LRRC43: variants seen among roughly 807,000 people sequenced by gnomAD.
LRRC43 encodes the protein leucine rich repeat containing 43, also known as leucine-rich repeat-containing protein 43.
In LRRC43, 62 loss-of-function variants were observed where a neutral mutation model predicts 64.3. The ratio of observed to expected loss-of-function variants is 0.96; its 90% CI spans 0.79 to 1.19. LRRC43 has a LOEUF of 1.19. LRRC43 is among the 50% of genes most tolerant of loss of function. LRRC43 has a pLI of 0.00. For missense variants in LRRC43, 868 were observed against 845.0 expected, an observed-to-expected ratio of 1.03 and a Z score of -0.34; for synonymous variants, 422 against 382.3, an observed-to-expected ratio of 1.10 and a Z score of -1.21.
chr12:122,176,847 G>A (rs1377618565), intron 1 of LRRC43, among the ~76,000 whole-genome samples: 1 of 151,926 alleles, frequency 6.6e-6, no homozygotes, highest in African/African-American at 2.4e-5. Context: ...TAGAGATGGA[G>A]TTTCACCATG....
Position 122,183,140 on chromosome 12 carries a change from G to T in LRRC43, c.-5G>T. On this transcript the variant is annotated 5_prime_UTR_variant, in exon 1 of 12. Transcript: ENST00000339777. ...TAGCGGTTGCCGGGCAACGCGGCCCGGGCCATGGAGGCGTCGTACGAGTCC... is the reference window on the plus strand; with the variant it reads ...TAGCGGTTGCCGGGCAACGCGGCCCTGGCCATGGAGGCGTCGTACGAGTCC... The T allele has an allele frequency of 6.5e-7, 1 of 1,538,504 alleles. No individual in the cohort carries two copies. The highest frequency in any genetic ancestry group is 8.7e-7 in the Non-Finnish European group (1 of 1,148,478).
At chr12:122,178,495 G>A (rs1218573549), upstream of LRRC43, among the ~76,000 whole-genome samples, 1 of 151,290 alleles carries the variant, frequency 6.6e-6, no homozygotes, top group African/African-American at 2.4e-5. Flanking sequence ...GTGAGGGTGA[G>A]AAGAGGGTAA....
At chr12:122,169,649 G>A (rs928169285) in intron 1 of LRRC43, among the ~76,000 whole-genome samples, 1 of 143,642 alleles carries the variant, frequency 7.0e-6, no homozygotes, top group Non-Finnish European at 1.5e-5. Flanking sequence ...CCGGGAGGCA[G>A]AGGTTGCAGT....
chr12:122,191,522 A>G lies in LRRC43; in HGVS notation c.1044A>G (p.Lys348=), dbSNP rs1338748140. The change falls in exon 6 of 12, where the codon AAA becomes AAG. Residue 348 remains lysine (K), a synonymous_variant. Transcript: ENST00000339777. ...ATTACGTGACCTATGATTTTGTGAA[A>G]GATGAAGAAGGCGAAATGAATGAGT... ...YNYYVTYDFV[K]DEEGEMNESA... is the part of the protein sequence containing the mutation. 2.8e-5 allele frequency: 45 copies of G among 1,614,040 alleles called. No individual in the cohort carries two copies. The highest frequency in any genetic ancestry group is 3.6e-5 in the Non-Finnish European group (43 of 1,180,052).
intron 6 of LRRC43, among the ~76,000 whole-genome samples, chr12:122,192,146 G>T (rs577854915): frequency 1.9e-4 from 28 of 150,450 alleles, no homozygotes; most frequent in South Asian, 1.3e-3. Context: ...TTTCTTTTTT[G>T]TGTGTGTGTG....
chr12:122,173,011 G>A (rs1001761841), intron 1 of LRRC43, among the ~76,000 whole-genome samples: 1 of 152,242 alleles, frequency 6.6e-6, no homozygotes, highest in East Asian at 1.9e-4. Context: ...ACGTGCTCAG[G>A]GTGGTGGGAA....
chr12:122,183,427 T>C, intron 1 of LRRC43, 133 bp downstream of exon 1: 1 of 1,059,466 alleles, frequency 9.4e-7, no homozygotes, highest in Non-Finnish European at 1.2e-6. Flanking sequence ...TGGGGGCGGG[T>C]GGGGCTTGAG....
intron 1 of LRRC43, chr12:122,173,787 G>A: frequency 2.0e-6 from 3 of 1,491,802 alleles, no homozygotes; most frequent in South Asian, 2.4e-5. Context: ...CTCTTTGGAG[G>A]GCAATGGAAG....
rs545572205 is a variant in LRRC43, at chr12:122,200,942, C to T, written c.1809+8C>T. On this transcript the variant is annotated splice_region_variant and intron_variant, in intron 10 of 11. Transcript: ENST00000339777. This position sits in a 1 kb window ranked among gnomAD's most constrained non-coding sequence, Gnocchi z 4.6. ...AGGCTGACGTTGGCCAGGGTACAGC[C>T]GGGCCCTAGCCACATCCTCCACCTC... 7.6e-6 allele frequency: 12 copies of T among 1,583,058 alleles called. No individual in the cohort carries two copies. The East Asian group carries it at 2.0e-4, about 27-fold the overall frequency.
chr12:122,193,613 G>C (rs1320308500), intron 7 of LRRC43, among the ~76,000 whole-genome samples: 1 of 152,108 alleles, frequency 6.6e-6, no homozygotes, highest in Non-Finnish European at 1.5e-5. Context: ...CACCCAGGCT[G>C]GAGTGCAGTG....
At chr12:122,189,527 C>T (rs1953688385) in intron 4 of LRRC43, 2 of 456,366 alleles carry the variant, frequency 4.4e-6, no homozygotes, top group South Asian at 1.5e-5. Flanking sequence ...AGGAAAGTCA[C>T]CCTGCCCCTG....
At chr12:122,201,525 G>T (rs1953838813) in intron 11 of LRRC43, among the ~76,000 whole-genome samples, 196 bp downstream of exon 11, 1 of 152,190 alleles carries the variant, frequency 6.6e-6, no homozygotes, top group African/African-American at 2.4e-5. Flanking sequence ...TGTGGGTGGT[G>T]ACCAGGGTGG....
At chr12:122,173,768 G>T in intron 1 of LRRC43, 1 of 1,335,630 alleles carries the variant, frequency 7.5e-7, no homozygotes, top group Non-Finnish European at 1.1e-6. Context: ...CAGGTCCGGA[G>T]AGAGGAGCCT....
chr12:122,183,162 G>C lies in LRRC43; in HGVS notation c.18G>C (p.Glu6Asp), dbSNP rs1428059483. The C allele has an allele frequency of 4.5e-6, 7 of 1,548,202 alleles. No homozygotes were observed. Among genetic ancestry groups the C allele is most frequent in the Non-Finnish European group, 6.1e-6 (7 of 1,153,966 alleles). The change falls in exon 1 of 12, where the codon GAG becomes GAC. Residue 6 changes from glutamate to aspartate, a missense_variant. Transcript: ENST00000339777. MEASY[E>D]SESESESEAG... Reference sequence around the variant, plus strand: ...CCCGGGCCATGGAGGCGTCGTACGAGTCCGAGTCCGAGTCCGAGTCTGAGG... The same window carrying C: ...CCCGGGCCATGGAGGCGTCGTACGACTCCGAGTCCGAGTCCGAGTCTGAGG...
intron 3 of LRRC43, 72 bp from the exon 4 acceptor site, chr12:122,187,629 A>T: frequency 3.4e-6 from 5 of 1,452,082 alleles, no homozygotes; most frequent in Non-Finnish European, 4.7e-6. Context: ...TTTGCGGGAC[A>T]GAGGGGAGGG....
chr12:122,174,067 C>T lies in LRRC43; in HGVS notation c.-406+6285C>T. The T allele has an allele frequency of 2.5e-6, 4 of 1,613,448 alleles. No individual in the cohort carries two copies. In the South Asian group the frequency reaches 4.4e-5, roughly 18 times the overall value. Reference sequence around the variant, plus strand: ...CCCTGGCTCCATCCCTGCAGCCCTGCTGAGCCAACCCTGGGGGTAGTGCTT... The same window carrying T: ...CCCTGGCTCCATCCCTGCAGCCCTGTTGAGCCAACCCTGGGGGTAGTGCTT... On this transcript the variant is annotated intron_variant, in intron 1 of 5. Transcript: ENST00000537729.
intron 1 of LRRC43, chr12:122,172,702 T>G (rs1593138833): frequency 6.2e-7 from 1 of 1,613,868 alleles, no homozygotes; most frequent in Non-Finnish European, 8.5e-7. Flanking sequence ...CACGGCAGCG[T>G]GTAATTCTGG....
intron 7 of LRRC43, among the ~76,000 whole-genome samples, chr12:122,198,181 G>A (rs905625800): frequency 3.9e-5 from 6 of 151,978 alleles, no homozygotes; most frequent in Non-Finnish European, 7.4e-5. Context: ...GGGTTTCACC[G>A]TGTTGGCCAG....
At chr12:122,182,719 A>T (rs1056226591), upstream of LRRC43, among the ~76,000 whole-genome samples, 7 of 152,070 alleles carry the variant, frequency 4.6e-5, no homozygotes, top group Non-Finnish European at 7.4e-5. Flanking sequence ...TAAAAAATTT[A>T]AAAAATGAGG....
Sources: allele counts gnomAD v4.1 joint callset (sites outside exome capture counted in the v4.1 genomes callset), GRCh38; gene constraint gnomAD v4.1.1; non-coding constraint Gnocchi (gnomAD v3.1); transcripts MANE v1.5; gene names NCBI Gene and HGNC (gene_info 2026-07-23, HGNC 2026-07-21).